IL12RB2: variants seen among roughly 807,000 people sequenced by gnomAD.
IL12RB2 encodes interleukin-12 receptor subunit beta-2.
Under a neutral mutation model 89.4 loss-of-function variants are expected in IL12RB2, and 82 were observed. That is an observed-to-expected ratio of 0.92 (90% CI 0.77 to 1.10). The LOEUF is 1.10. Among genes scored for constraint, IL12RB2 ranks in the 50% least tolerant of loss-of-function variants. IL12RB2 has a pLI of 0.00. For synonymous variants in IL12RB2, 368 were observed against 370.1 expected (o/e 0.99, Z 0.07); for missense variants, 963 against 1,031.9 (o/e 0.93, Z 0.92).
At chr1:67,320,573 G>A (rs1350352951) in intron 3 of IL12RB2, 129 bp downstream of exon 3, 1 of 1,502,438 alleles carries the variant, frequency 6.7e-7, no homozygotes, top group Non-Finnish European at 9.0e-7. Flanking sequence ...TCATTTAAGT[G>A]GATAAGTCTG....
At chr1:67,369,962 C>A (rs1308944333) in intron 11 of IL12RB2, among the ~76,000 whole-genome samples, 4 of 145,976 alleles carry the variant, frequency 2.7e-5, no homozygotes, top group African/African-American at 1.0e-4. Context: ...GCGGAGATTG[C>A]AGTGAGCCGA....
chr1:67,374,100 G>C (rs1267615352), intron 13 of IL12RB2, among the ~76,000 whole-genome samples: 1 of 117,572 alleles, frequency 8.5e-6, no homozygotes, highest in African/African-American at 3.2e-5. Context: ...ATATAGTTGA[G>C]ATCTTTTTCA....
At chr1:67,308,084 G>A (rs1227555396) in intron 1 of IL12RB2, 117 bp downstream of exon 1, 1 of 145,468 alleles carries the variant, frequency 6.9e-6, no homozygotes, top group Non-Finnish European at 1.5e-5. Context: ...CTTCGGCGAC[G>A]GCTTCTCTCT....
At chr1:67,313,050 C>CTT (rs1179183842) in intron 1 of IL12RB2, among the ~76,000 whole-genome samples, 1 of 152,226 alleles carries the variant, frequency 6.6e-6, no homozygotes. Flanking sequence ...GATAGACGGG[C>CTT]TTTTGCCCAT....
At chr1:67,330,312 A>G (rs965713200) in intron 7 of IL12RB2, among the ~76,000 whole-genome samples, 2 of 151,902 alleles carry the variant, frequency 1.3e-5, no homozygotes, top group East Asian at 1.9e-4. Flanking sequence ...GTGTTAAAAC[A>G]TTCATCACAT....
intron 2 of IL12RB2, among the ~76,000 whole-genome samples, chr1:67,316,938 C>G (rs537646857): frequency 6.6e-6 from 1 of 152,252 alleles, no homozygotes; most frequent in South Asian, 2.1e-4. Flanking sequence ...GATGTTGTTT[C>G]CATGAGAGCT....
At chr1:67,384,651 A>G (rs1235275277) in intron 14 of IL12RB2, among the ~76,000 whole-genome samples, 1 of 152,216 alleles carries the variant, frequency 6.6e-6, no homozygotes, top group East Asian at 1.9e-4. Context: ...CAAATTTTCC[A>G]AACTTCTATG....
intron 8 of IL12RB2, among the ~76,000 whole-genome samples, chr1:67,336,698 G>T (rs750638611): frequency 1.3e-5 from 2 of 152,220 alleles, no homozygotes; most frequent in South Asian, 2.1e-4. Context: ...ACTGATGGGG[G>T]ATGGAAGTAT....
chr1:67,328,894 T>C (rs139557439), intron 6 of IL12RB2, among the ~76,000 whole-genome samples: 9 of 152,296 alleles, frequency 5.9e-5, no homozygotes, highest in Middle Eastern at 3.4e-3. Context: ...GCCAGTACAT[T>C]TCTGAGCAAA....
chr1:67,362,459 G>A (rs993684143), intron 10 of IL12RB2, among the ~76,000 whole-genome samples: 1 of 149,928 alleles, frequency 6.7e-6, no homozygotes, highest in Non-Finnish European at 1.5e-5. Flanking sequence ...CCAGCTACTC[G>A]GGAGGCTGAG....
chr1:67,348,251 G>A (rs1308654623), intron 9 of IL12RB2, among the ~76,000 whole-genome samples: 1 of 152,142 alleles, frequency 6.6e-6, no homozygotes, highest in Non-Finnish European at 1.5e-5. Flanking sequence ...TGCTGCATGT[G>A]AGAATGTACC....
chr1:67,351,122 G>A, intron 10 of IL12RB2, 33 bp downstream of exon 10: 2 of 1,608,328 alleles, frequency 1.2e-6, no homozygotes, highest in Non-Finnish European at 1.7e-6. Context: ...CATTGCCTGT[G>A]GAAAACTGTG....
chr1:67,386,011 C>T (rs995090388), intron 14 of IL12RB2, among the ~76,000 whole-genome samples: 1 of 151,748 alleles, frequency 6.6e-6, no homozygotes, highest in Non-Finnish European at 1.5e-5. Flanking sequence ...GAGTTCAAGA[C>T]CACCCTGGCC....
chr1:67,328,422 T>C (rs1397149283), intron 6 of IL12RB2, 38 bp downstream of exon 6: 3 of 1,611,292 alleles, frequency 1.9e-6, no homozygotes, highest in Non-Finnish European at 2.5e-6. Context: ...TACTTTATAA[T>C]TATTTTTAAA....
chr1:67,354,219 A>C (rs1323461445), intron 10 of IL12RB2, among the ~76,000 whole-genome samples: 1 of 152,194 alleles, frequency 6.6e-6, no homozygotes, highest in Non-Finnish European at 1.5e-5. Context: ...ATGCGTACCA[A>C]GTATAGAGAG....
At chr1:67,383,184 G>C (rs1406631863) in intron 14 of IL12RB2, among the ~76,000 whole-genome samples, 1 of 152,142 alleles carries the variant, frequency 6.6e-6, no homozygotes, top group African/African-American at 2.4e-5. Context: ...AGAAGAATGA[G>C]AGCCAAGTGG....
At chr1:67,374,100 G>A (rs1267615352) in intron 13 of IL12RB2, among the ~76,000 whole-genome samples, 1 of 117,572 alleles carries the variant, frequency 8.5e-6, no homozygotes, top group South Asian at 2.8e-4. Context: ...ATATAGTTGA[G>A]ATCTTTTTCA....
chr1:67,381,791 A>T (rs530389413), intron 14 of IL12RB2, among the ~76,000 whole-genome samples: 3 of 149,620 alleles, frequency 2.0e-5, no homozygotes, highest in Admixed American at 6.7e-5. Context: ...AAAAAGAAAG[A>T]AAGTTAACTT....
chr1:67,393,366 C>T (rs1666031043), intron 16 of IL12RB2, among the ~76,000 whole-genome samples: 1 of 152,244 alleles, frequency 6.6e-6, no homozygotes, highest in African/African-American at 2.4e-5. Flanking sequence ...CCCCCGAGGA[C>T]TTGGCAGCCA....
Sources: allele counts gnomAD v4.1 joint callset (sites outside exome capture counted in the v4.1 genomes callset), GRCh38; gene constraint gnomAD v4.1.1; transcripts MANE v1.5; gene names NCBI Gene and HGNC (gene_info 2026-07-23, HGNC 2026-07-21).